GALNT10: variants seen among roughly 807,000 people sequenced by gnomAD.
The protein encoded by GALNT10 is polypeptide N-acetylgalactosaminyltransferase 10.
Under a neutral mutation model 75.0 loss-of-function variants are expected in GALNT10, and 41 were observed. The ratio of observed to expected loss-of-function variants is 0.55; its 90% CI spans 0.43 to 0.71. The LOEUF (loss-of-function observed/expected upper bound fraction) is 0.71, where lower values mean the gene tolerates loss of function less well. Ranked by LOEUF, GALNT10 falls within the 30% of genes least tolerant of loss-of-function variation. The pLI is 0.00. For synonymous variants in GALNT10, 302 were observed against 313.0 expected, an observed-to-expected ratio of 0.96 and a Z score of 0.37; for missense variants, 727 against 818.5, an observed-to-expected ratio of 0.89 and a Z score of 1.36.
intron 1 of GALNT10, among the ~76,000 whole-genome samples, chr5:154,290,358 C>T (rs1754179599): frequency 6.6e-6 from 1 of 151,106 alleles, no homozygotes; most frequent in Non-Finnish European, 1.5e-5. Context: ...ATCCGCCCAC[C>T]TCAGCCTTCC....
chr5:154,250,894 G>A (rs1210071697), intron 1 of GALNT10, among the ~76,000 whole-genome samples: 2 of 152,102 alleles, frequency 1.3e-5, no homozygotes, highest in African/African-American at 4.8e-5. Context: ...CCACATGTCT[G>A]GTTTCTACTT....
chr5:154,298,044 C>T lies in GALNT10; in HGVS notation c.366C>T (p.Ser122=), dbSNP rs146580196. The change falls in exon 3 of 12, where the codon TCC becomes TCT. Residue 122 remains serine (S), a synonymous_variant. Transcript: ENST00000297107. This position sits in a 1 kb window ranked among gnomAD's most constrained non-coding sequence, Gnocchi z 4.1. ...ACATCTACGTCAGTGATAAAATCTC[C>T]TTGAATCGCTCTCTCCCAGATATCC... ...GFNIYVSDKI[S]LNRSLPDIRH... is the part of the protein sequence containing the mutation. 3.3e-4 allele frequency: 525 copies of T among 1,613,272 alleles called. No homozygotes were observed. The highest frequency in any genetic ancestry group is 3.9e-4 in the Non-Finnish European group (456 of 1,179,482).
At chr5:154,246,318 A>T (rs1753422992) in intron 1 of GALNT10, among the ~76,000 whole-genome samples, 1 of 152,234 alleles carries the variant, frequency 6.6e-6, no homozygotes, top group African/African-American at 2.4e-5. Flanking sequence ...CTTTGGGTAT[A>T]TACCCAGTAA....
chr5:154,415,719 A>G, intron 10 of GALNT10, 64 bp from the exon 11 acceptor site: 1 of 1,467,694 alleles, frequency 6.8e-7, no homozygotes, highest in Non-Finnish European at 9.3e-7. Flanking sequence ...TAATTTAAAA[A>G]AAATGGAGAA....
At chr5:154,245,808 CTT>C (rs3048584) in intron 1 of GALNT10, among the ~76,000 whole-genome samples, 86,544 of 141,000 alleles carry the variant, frequency 0.61, 26,698 homozygotes, top group East Asian at 0.86. Flanking sequence ...ATCTTAAGCG[CTT>C]TTTTTTTTTT....
At chr5:154,225,382 T>C (rs1292352122) in intron 1 of GALNT10, among the ~76,000 whole-genome samples, 4 of 150,124 alleles carry the variant, frequency 2.7e-5, no homozygotes, top group African/African-American at 4.9e-5. Context: ...CGTGAGCCAC[T>C]GCGCCCGGCC....
intron 1 of GALNT10, among the ~76,000 whole-genome samples, chr5:154,288,087 G>C (rs897118782): frequency 2.0e-5 from 3 of 152,102 alleles, no homozygotes; most frequent in African/African-American, 7.2e-5. Context: ...AGAGGAAGGT[G>C]GAGGGGAGCC....
chr5:154,219,834 TCTCTCACACA>T (rs1224890591), intron 1 of GALNT10, among the ~76,000 whole-genome samples: 2 of 129,606 alleles, frequency 1.5e-5, no homozygotes, highest in African/African-American at 2.8e-5. Context: ...TCTCTCTCTC[TCTCTCACACA>T]CACACACACA....
chr5:154,403,077 T>C (rs1054475000), intron 7 of GALNT10, among the ~76,000 whole-genome samples: 4 of 152,202 alleles, frequency 2.6e-5, no homozygotes, highest in Non-Finnish European at 5.9e-5. Context: ...ACACAATATC[T>C]CATCTTCCAG....
At chr5:154,362,352 A>G (rs1755403401) in intron 4 of GALNT10, among the ~76,000 whole-genome samples, 1 of 152,010 alleles carries the variant, frequency 6.6e-6, no homozygotes, top group South Asian at 2.1e-4. Flanking sequence ...GTTGCCTCAC[A>G]TACACCACAT....
intron 3 of GALNT10, among the ~76,000 whole-genome samples, chr5:154,327,432 C>G (rs1368367057): frequency 6.6e-6 from 1 of 152,058 alleles, no homozygotes; most frequent in Admixed American, 6.6e-5. Flanking sequence ...ATTTTCGTAT[C>G]TTTTATCGTA....
intron 1 of GALNT10, among the ~76,000 whole-genome samples, chr5:154,288,630 T>C (rs1754148247): frequency 6.6e-6 from 1 of 152,164 alleles, no homozygotes; most frequent in South Asian, 2.1e-4. Context: ...CTAACCCCTT[T>C]GCTTCCTGTA....
At chr5:154,233,284 A>C (rs962713937) in intron 1 of GALNT10, among the ~76,000 whole-genome samples, 3 of 152,158 alleles carry the variant, frequency 2.0e-5, no homozygotes, top group African/African-American at 7.2e-5. Context: ...GGTTGTATCA[A>C]TGTTAACTTG....
At chr5:154,408,432 T>C (rs534941103) in intron 8 of GALNT10, among the ~76,000 whole-genome samples, 2 of 152,176 alleles carry the variant, frequency 1.3e-5, no homozygotes, top group African/African-American at 4.8e-5. Flanking sequence ...TGAAGAAAGA[T>C]GTTTTGGAGC....
intron 1 of GALNT10, among the ~76,000 whole-genome samples, chr5:154,281,976 GC>G (rs1754044656): frequency 1.3e-5 from 2 of 152,334 alleles, no homozygotes; most frequent in Admixed American, 1.3e-4. Context: ...CATGAGGCTG[GC>G]TCGTAACCTG....
Position 154,404,616 on chromosome 5 carries a change from G to A in GALNT10, c.1164+405G>A, listed in dbSNP as rs141032012. 2.2e-3 allele frequency among the ~76,000 whole-genome samples: 337 copies of A among 152,312 alleles called. 4 individuals carry two copies. The highest frequency in any genetic ancestry group is 0.014 in the Middle Eastern group (4 of 294). On this transcript the variant is annotated intron_variant, in intron 8 of 11. Coordinates refer to ENST00000297107, the MANE Select transcript of GALNT10 (RefSeq NM_198321.4). ...GGATTCTAAATTAATGTGTATTCGT[G>A]TAGCTAACCTGTAATTTCACAGATA...
At chr5:154,247,724 G>T (rs6873571) in intron 1 of GALNT10, among the ~76,000 whole-genome samples, 1 of 151,982 alleles carries the variant, frequency 6.6e-6, no homozygotes, top group Non-Finnish European at 1.5e-5. Context: ...TGAGACGATG[G>T]GGTTTTCTAG....
At chr5:154,283,306 G>T (rs1345736894) in intron 1 of GALNT10, among the ~76,000 whole-genome samples, 3 of 120,808 alleles carry the variant, frequency 2.5e-5, no homozygotes, top group Admixed American at 8.4e-5. Flanking sequence ...AAAAAGCCAG[G>T]TGTGGTGGTG....
intron 1 of GALNT10, among the ~76,000 whole-genome samples, chr5:154,211,847 C>G (rs1383710621): frequency 1.3e-5 from 2 of 152,138 alleles, no homozygotes; most frequent in African/African-American, 4.8e-5. Context: ...TCACTTTCCC[C>G]AGAGCACACC....
Sources: allele counts gnomAD v4.1 joint callset (sites outside exome capture counted in the v4.1 genomes callset), GRCh38; gene constraint gnomAD v4.1.1; non-coding constraint Gnocchi (gnomAD v3.1); transcripts MANE v1.5; gene names NCBI Gene and HGNC (gene_info 2026-07-23, HGNC 2026-07-21).